The following JMJD1C variants were observed in gnomAD, a reference collection of about 807,000 sequenced individuals.
The protein encoded by JMJD1C is jumonji domain-containing protein 1C.
In JMJD1C, 31 loss-of-function variants were observed where a neutral mutation model predicts 245.3. The ratio of observed to expected loss-of-function variants is 0.13; its 90% CI spans 0.09 to 0.17. JMJD1C has a LOEUF of 0.17. JMJD1C is among the 10% of genes least tolerant of loss of function. The pLI, the probability that JMJD1C is intolerant of heterozygous loss-of-function variation, is 1.00. For synonymous variants in JMJD1C, 1,057 were observed against 1,017.4 expected (o/e 1.04, Z -0.74); for missense variants, 2,691 against 3,000.2 (o/e 0.90, Z 2.41).
upstream of JMJD1C, among the ~76,000 whole-genome samples, chr10:63,468,981 A>G (rs1296273718): frequency 1.3e-5 from 2 of 152,178 alleles, no homozygotes; most frequent in African/African-American, 4.8e-5. Context: ...AAAAACCCAC[A>G]AACTATTTTG....
chr10:63,401,969 T>A (rs1470027864), intron 1 of JMJD1C, among the ~76,000 whole-genome samples: 1 of 151,942 alleles, frequency 6.6e-6, no homozygotes, highest in Non-Finnish European at 1.5e-5. Context: ...ACCCCATCTC[T>A]ACTAAAAATA....
intron 1 of JMJD1C, among the ~76,000 whole-genome samples, chr10:63,408,313 GA>G (rs1210823575): frequency 6.6e-6 from 1 of 151,944 alleles, no homozygotes; most frequent in Non-Finnish European, 1.5e-5. Flanking sequence ...TGAGGCAGGA[GA>G]ATCACTTGAA....
intron 1 of JMJD1C, among the ~76,000 whole-genome samples, chr10:63,438,526 G>T (rs1262418462): frequency 4.6e-5 from 7 of 152,048 alleles, no homozygotes; most frequent in Admixed American, 2.6e-4. Context: ...CCTCGTTCAT[G>T]CCTTCCCATC....
chr10:63,268,965 G>A, intron 2 of JMJD1C: 1 of 985,730 alleles, frequency 1.0e-6, no homozygotes, highest in Non-Finnish European at 1.2e-6. Flanking sequence ...AGCCCTGGCA[G>A]TGATGAGGAT....
intron 1 of JMJD1C, among the ~76,000 whole-genome samples, chr10:63,498,565 G>A (rs1011889637): frequency 5.9e-5 from 9 of 152,064 alleles, no homozygotes; most frequent in African/African-American, 2.2e-4. Flanking sequence ...AAGGCCCTCA[G>A]GAGTTAATGA....
chr10:63,259,408 A>T (rs1057258760), intron 3 of JMJD1C, among the ~76,000 whole-genome samples: 5 of 150,278 alleles, frequency 3.3e-5, no homozygotes, highest in Admixed American at 6.7e-5. Flanking sequence ...ACACAAATTT[A>T]GGAGAAAAAA....
intron 1 of JMJD1C, among the ~76,000 whole-genome samples, chr10:63,381,492 A>G (rs1309234778): frequency 6.6e-6 from 1 of 152,212 alleles, no homozygotes; most frequent in East Asian, 1.9e-4. Context: ...TGATCGCACC[A>G]CTGCACTGCA....
chr10:63,310,519 T>C (rs1480469644), intron 2 of JMJD1C, among the ~76,000 whole-genome samples: 1 of 152,186 alleles, frequency 6.6e-6, no homozygotes, highest in Non-Finnish European at 1.5e-5. Context: ...TAGATTACTG[T>C]GAAGGATGGG....
chr10:63,505,866 G>C (rs1226855203), intron 1 of JMJD1C, among the ~76,000 whole-genome samples: 1 of 136,266 alleles, frequency 7.3e-6, no homozygotes, highest in African/African-American at 2.8e-5. Flanking sequence ...ACAGGCCTGA[G>C]ATAAAGTCTT....
In JMJD1C at chr10:63,207,169, A is replaced by G; in HGVS notation, c.4500T>C (p.Ser1500=). Residue 1500 remains serine, a synonymous_variant, in exon 10 of 26, where the codon AGT becomes AGC. Coordinates refer to ENST00000399262, the MANE Select transcript of JMJD1C (RefSeq NM_032776.3). ...TTTTTATAGCATTAGGTTCAGTCTC[A>G]CTGGCATTACTACTTTTATACTGAG... ...AAAQYKSSNA[S]ETEPNAIKNQ... 1.2e-6 allele frequency: 2 copies of G among 1,614,204 alleles called. No homozygotes were observed. Among genetic ancestry groups the G allele is most frequent in the South Asian group, 2.2e-5 (2 of 91,078 alleles).
intron 24 of JMJD1C, among the ~76,000 whole-genome samples, chr10:63,172,565 C>T (rs1052677321): frequency 2.6e-5 from 4 of 151,846 alleles, no homozygotes; most frequent in Non-Finnish European, 4.4e-5. Context: ...ATCATGCTTA[C>T]GTTCCAGTGG....
intron 2 of JMJD1C, among the ~76,000 whole-genome samples, chr10:63,360,771 AT>A (rs1213690023): frequency 6.6e-6 from 1 of 152,062 alleles, no homozygotes; most frequent in East Asian, 1.9e-4. Flanking sequence ...TTTAAACCTG[AT>A]TTTAAAAGTA....
Position 63,465,725 on chromosome 10 carries a change from C to T in JMJD1C, c.-63G>A, listed in dbSNP as rs766337839. The stretch of plus-strand genomic sequence containing the variant: ...GCGAGGGAACCGATGAAACCTCACT[C>T]CTACCGGCCGCTCATGCTGAGGAGA... On this transcript the variant is annotated 5_prime_UTR_variant, in exon 1 of 26. Transcript: ENST00000399262. 1.9e-6 allele frequency: 3 copies of T among 1,574,598 alleles called. No homozygotes were observed. Among genetic ancestry groups the T allele is most frequent in the East Asian group, 2.2e-5 (1 of 44,610 alleles).
Position 63,215,221 on chromosome 10 carries a change from T to A in JMJD1C, c.1015+42A>T, listed in dbSNP as rs781141520. ...AGCATATTTTAAAATGTATTTTTGT[T>A]TTATTTGTTTTCATTCCCTTAAAAA... On this transcript the variant is annotated intron_variant, in intron 7 of 25. Coordinates refer to ENST00000399262, the MANE Select transcript of JMJD1C (RefSeq NM_032776.3). 3.9e-6 allele frequency: 6 copies of A among 1,553,692 alleles called. No individual in the cohort carries two copies. The African/African-American group carries it at 8.5e-5, about 22-fold the overall frequency.
intron 21 of JMJD1C, among the ~76,000 whole-genome samples, chr10:63,184,221 G>A (rs1001291843): frequency 7.5e-5 from 11 of 147,312 alleles, no homozygotes; most frequent in African/African-American, 2.0e-4. Flanking sequence ...GGGCCACCAC[G>A]CCCATCCTTG....
intron 2 of JMJD1C, among the ~76,000 whole-genome samples, chr10:63,300,817 G>A (rs764820051): frequency 6.6e-6 from 1 of 151,884 alleles, no homozygotes; most frequent in South Asian, 2.1e-4. Flanking sequence ...ACTCGAACCC[G>A]GGAGAAAGGG....
At chr10:63,264,575 AT>A (rs1855293946) in intron 3 of JMJD1C, 75 bp downstream of exon 3, 1 of 673,076 alleles carries the variant, frequency 1.5e-6, no homozygotes, top group African/African-American at 1.9e-5. Context: ...TTTAAAGAAT[AT>A]TGTTTAAAGA....
At chr10:63,286,058 G>T (rs143617836) in intron 2 of JMJD1C, among the ~76,000 whole-genome samples, 1 of 152,224 alleles carries the variant, frequency 6.6e-6, no homozygotes, top group East Asian at 1.9e-4. Context: ...TAGAAGTGGG[G>T]TCCAGCAATC....
chr10:63,479,824 T>TCC (rs1487520435), intron 1 of JMJD1C, among the ~76,000 whole-genome samples: 7 of 151,776 alleles, frequency 4.6e-5, no homozygotes, highest in African/African-American at 1.7e-4. Flanking sequence ...CCACTGAGAG[T>TCC]GACACAGAAA....
Sources: allele counts gnomAD v4.1 joint callset (sites outside exome capture counted in the v4.1 genomes callset), GRCh38; gene constraint gnomAD v4.1.1; transcripts MANE v1.5; gene names NCBI Gene and HGNC (gene_info 2026-07-23, HGNC 2026-07-21).